Variants in TSNARE1 observed in about 807,000 individuals in gnomAD.
The protein encoded by TSNARE1 is t-SNARE domain-containing protein 1.
A neutral mutation model predicts 62.0 loss-of-function variants in TSNARE1; 49 were observed. The ratio of observed to expected loss-of-function variants is 0.79; its 90% CI spans 0.63 to 1.00. The LOEUF (loss-of-function observed/expected upper bound fraction) is 1.00. Ranked by LOEUF, TSNARE1 falls within the 50% of genes least tolerant of loss-of-function variation. TSNARE1 has a pLI of 0.00. For synonymous variants in TSNARE1, 328 were observed against 294.4 expected (o/e 1.11, Z -1.17); for missense variants, 755 against 700.1 (o/e 1.08, Z -0.88).
chr8:142,373,999 A>G (rs1026461391), intron 1 of TSNARE1, among the ~76,000 whole-genome samples: 1 of 152,200 alleles, frequency 6.6e-6, no homozygotes, highest in African/African-American at 2.4e-5. Flanking sequence ...CAGTGAGGAA[A>G]AAAATTAAAA....
In TSNARE1 at chr8:142,217,840, C is replaced by T. The variant is rs866986450; in HGVS notation, c.*12-5527G>A. ...TCAGGGTGTGAGCAGGATCAGGGCTCAGTGTGTGAGCAGGATCAGGGCTCA... is the reference window on the plus strand; with the variant it reads ...TCAGGGTGTGAGCAGGATCAGGGCTTAGTGTGTGAGCAGGATCAGGGCTCA... On this transcript the variant is annotated intron_variant, in intron 13 of 13. Transcript: ENST00000524325. Among the ~76,000 whole-genome samples the T allele has an allele frequency of 1.5e-4, 22 of 149,796 alleles. 2 individuals carry two copies. Among genetic ancestry groups the T allele is most frequent in the African/African-American group, 5.4e-4 (22 of 40,480 alleles).
At chr8:142,335,815 G>A (rs1472618692) in intron 4 of TSNARE1, among the ~76,000 whole-genome samples, 2 of 152,062 alleles carry the variant, frequency 1.3e-5, no homozygotes, top group Admixed American at 6.5e-5. Flanking sequence ...TGGTAAACTC[G>A]GTTGCTTCCT....
chr8:142,343,788 A>AAAGTCACTGT (rs1832936439), intron 4 of TSNARE1, among the ~76,000 whole-genome samples, 178 bp downstream of exon 4: 1 of 68,604 alleles, frequency 1.5e-5, no homozygotes, highest in Non-Finnish European at 2.4e-5. Flanking sequence ...GAGGAGGAGG[A>AAAGTCACTGT]GGAGGAGGGG....
At chr8:142,298,006 C>A (rs1586642448) in intron 10 of TSNARE1, among the ~76,000 whole-genome samples, 1 of 152,204 alleles carries the variant, frequency 6.6e-6, no homozygotes, top group East Asian at 1.9e-4. Context: ...CCAGGCTGGC[C>A]ATGGGGCCTG....
chr8:142,227,498 T>G (rs918004673), intron 13 of TSNARE1, among the ~76,000 whole-genome samples: 4 of 136,434 alleles, frequency 2.9e-5, no homozygotes, highest in African/African-American at 1.1e-4. Flanking sequence ...TTCCTGCCCA[T>G]AACCCCAGTG....
chr8:142,326,981 G>A (rs1830368180), intron 6 of TSNARE1, among the ~76,000 whole-genome samples: 1 of 152,212 alleles, frequency 6.6e-6, no homozygotes, highest in Non-Finnish European at 1.5e-5. Context: ...TGCTGGCAGT[G>A]AGGTGGGGAG....
At chr8:142,221,202 G>C (rs117376097) in intron 13 of TSNARE1, among the ~76,000 whole-genome samples, 1 of 152,230 alleles carries the variant, frequency 6.6e-6, no homozygotes, top group Non-Finnish European at 1.5e-5. Flanking sequence ...GAGTCAGTGA[G>C]AGAATGCCCA....
chr8:142,300,983 C>T (rs1237355379), intron 9 of TSNARE1, among the ~76,000 whole-genome samples: 1 of 81,478 alleles, frequency 1.2e-5, no homozygotes, highest in African/African-American at 5.2e-5. Flanking sequence ...ATGCTGCGGC[C>T]GCCCCCTCCA....
At chr8:142,270,307 A>T in intron 12 of TSNARE1, 1 of 985,362 alleles carries the variant, frequency 1.0e-6, no homozygotes, top group Non-Finnish European at 1.2e-6. Context: ...GGGAGGCTGA[A>T]AGCAGCGGTG....
intron 12 of TSNARE1, among the ~76,000 whole-genome samples, chr8:142,230,639 A>G (rs945960413): frequency 1.3e-5 from 2 of 152,160 alleles, no homozygotes; most frequent in African/African-American, 4.8e-5. Flanking sequence ...AGAAGGTGGA[A>G]TCCTCAGAAC....
intron 13 of TSNARE1, among the ~76,000 whole-genome samples, 186 bp downstream of exon 13, chr8:142,229,287 T>C (rs1201209071): frequency 6.6e-6 from 1 of 150,384 alleles, no homozygotes; most frequent in Non-Finnish European, 1.5e-5. Flanking sequence ...GGATGGCAGA[T>C]GGATAGATGG....
At chr8:142,251,235 C>A (rs1275315482) in intron 12 of TSNARE1, among the ~76,000 whole-genome samples, 1 of 151,992 alleles carries the variant, frequency 6.6e-6, no homozygotes, top group African/African-American at 2.4e-5. Flanking sequence ...CCCCGGCCCC[C>A]CTGCACACCG....
chr8:142,294,957 G>A (rs576386271), intron 10 of TSNARE1, among the ~76,000 whole-genome samples: 5 of 152,294 alleles, frequency 3.3e-5, no homozygotes, highest in East Asian at 3.9e-4. Flanking sequence ...ACTCACCTCC[G>A]CGGCACCTGG....
intron 12 of TSNARE1, chr8:142,273,058 T>A: frequency 4.1e-6 from 4 of 985,346 alleles, no homozygotes; most frequent in African/African-American, 1.7e-5. Context: ...CTTGCCCACC[T>A]CCTCTGCAGT....
chr8:142,278,759 G>A, intron 11 of TSNARE1: 3 of 985,462 alleles, frequency 3.0e-6, no homozygotes, highest in South Asian at 4.7e-5. Flanking sequence ...GTGCCTGACA[G>A]GCTGAGAGTC....
intron 12 of TSNARE1, among the ~76,000 whole-genome samples, chr8:142,246,591 C>T (rs1035290069): frequency 6.6e-6 from 1 of 152,186 alleles, no homozygotes; most frequent in Admixed American, 6.5e-5. Context: ...AGACGGGGTG[C>T]AAACCTGGCT....
At chr8:142,263,217 A>T (rs1279699457) in intron 12 of TSNARE1, among the ~76,000 whole-genome samples, 3 of 152,268 alleles carry the variant, frequency 2.0e-5, no homozygotes. Flanking sequence ...TCTTAAAAAT[A>T]TGAATGGGTA....
intron 12 of TSNARE1, among the ~76,000 whole-genome samples, chr8:142,239,034 T>C (rs1817568102): frequency 6.6e-6 from 1 of 151,992 alleles, no homozygotes; most frequent in Non-Finnish European, 1.5e-5. Context: ...TAAACAAATG[T>C]GCAGATGCAC....
intron 13 of TSNARE1, among the ~76,000 whole-genome samples, chr8:142,226,293 T>C (rs1436014767): frequency 1.3e-5 from 2 of 151,994 alleles, no homozygotes; most frequent in Admixed American, 6.5e-5. Flanking sequence ...CTGCTCAGAG[T>C]GTGGCCGGGC....
Sources: gnomAD v4.1 joint callset for allele counts (sites outside exome capture counted in the v4.1 genomes callset) on GRCh38, gnomAD v4.1.1 for gene constraint, MANE v1.5 for transcripts, NCBI Gene and HGNC (gene_info 2026-07-23, HGNC 2026-07-21) for gene names.